Variants in PAG1 observed in about 807,000 individuals in gnomAD.
PAG1 encodes phosphoprotein associated with glycosphingolipid-enriched microdomains 1.
Under a neutral mutation model 31.7 loss-of-function variants are expected in PAG1, and 23 were observed. That is an observed-to-expected ratio of 0.73 (90% confidence interval 0.52 to 1.03). The LOEUF is 1.03. Ranked by LOEUF, PAG1 falls within the 50% of genes least tolerant of loss-of-function variation. The probability of loss-of-function intolerance (pLI) is 0.00; values close to 1 mark genes in which losing one functional copy is unlikely to be tolerated. For missense variants in PAG1, 473 were observed against 540.7 expected, an observed-to-expected ratio of 0.87 and a Z score of 1.24; for synonymous variants, 214 against 210.3, an observed-to-expected ratio of 1.02 and a Z score of -0.15.
chr8:80,994,200 G>T (rs1184838130), intron 3 of PAG1, among the ~76,000 whole-genome samples: 1 of 151,524 alleles, frequency 6.6e-6, no homozygotes, highest in Non-Finnish European at 1.5e-5. Flanking sequence ...TGTAACTAAT[G>T]AAATAGAATG....
chr8:81,080,762 A>C (rs758692243), intron 1 of PAG1, among the ~76,000 whole-genome samples: 3 of 152,200 alleles, frequency 2.0e-5, no homozygotes, highest in Non-Finnish European at 4.4e-5. Context: ...CCCAGCACTA[A>C]GTGAGCAAAC....
At chr8:81,072,348 T>G (rs1809107842) in intron 1 of PAG1, among the ~76,000 whole-genome samples, 1 of 152,186 alleles carries the variant, frequency 6.6e-6, no homozygotes, top group Non-Finnish European at 1.5e-5. Flanking sequence ...CAATGTAAAA[T>G]ACATGCTCTA....
chr8:80,993,343 C>T (rs1253597755), intron 3 of PAG1, 36 bp from the exon 4 acceptor site: 35 of 1,082,632 alleles, frequency 3.2e-5, no homozygotes, highest in East Asian at 5.1e-5. Context: ...GAGTAATTCT[C>T]GGGTAAAGTG....
intron 2 of PAG1, among the ~76,000 whole-genome samples, chr8:81,060,916 T>C (rs1184786090): frequency 6.6e-6 from 1 of 152,206 alleles, no homozygotes; most frequent in African/African-American, 2.4e-5. Flanking sequence ...TAACCTGACA[T>C]GAGGGCCCAT....
At chr8:80,995,661 C>G (rs1056483596) in intron 3 of PAG1, among the ~76,000 whole-genome samples, 8 of 152,218 alleles carry the variant, frequency 5.3e-5, no homozygotes, top group African/African-American at 1.4e-4. Flanking sequence ...TTCATTCATA[C>G]AACAGATTAA....
chr8:80,975,480 T>A lies in PAG1; in HGVS notation c.*1064A>T, dbSNP rs564774708. ...TTGAACATAAAACATCTTATAAACT[T>A]ACATAACAAAAATAAATGTTTACAT... On this transcript the variant is annotated 3_prime_UTR_variant, in exon 9 of 9. Coordinates refer to ENST00000220597, the MANE Select transcript of PAG1 (RefSeq NM_018440.4). The A allele has an allele frequency of 1.3e-5, 2 of 152,334 alleles. No homozygotes were observed. The highest frequency in any genetic ancestry group is 4.1e-4 in the South Asian group (2 of 4,828). 9.4% of individuals were successfully genotyped at this position (152,334 alleles called of 1,614,324 possible).
intron 1 of PAG1, among the ~76,000 whole-genome samples, chr8:81,101,071 T>C (rs531542109): frequency 2.6e-5 from 4 of 152,314 alleles, no homozygotes; most frequent in African/African-American, 9.6e-5. Flanking sequence ...ACTCAGCCAG[T>C]TGGAAAGGTT....
chr8:80,978,797 T>A (rs989591858), intron 8 of PAG1, among the ~76,000 whole-genome samples: 2 of 152,222 alleles, frequency 1.3e-5, no homozygotes, highest in African/African-American at 4.8e-5. Flanking sequence ...ATGACCATTA[T>A]GACTATTATT....
intron 1 of PAG1, among the ~76,000 whole-genome samples, chr8:81,111,290 A>G (rs1330655011): frequency 1.3e-5 from 2 of 152,304 alleles, no homozygotes; most frequent in East Asian, 3.9e-4. Context: ...CTTCACCCCA[A>G]CGTAAACACA....
chr8:81,068,019 C>G (rs1332866968), intron 2 of PAG1, among the ~76,000 whole-genome samples: 1 of 152,178 alleles, frequency 6.6e-6, no homozygotes, highest in Non-Finnish European at 1.5e-5. Context: ...GCCTCAGCCT[C>G]CCAAGTAGCT....
intron 1 of PAG1, among the ~76,000 whole-genome samples, chr8:81,087,278 G>C (rs1051915161): frequency 6.8e-6 from 1 of 148,130 alleles, no homozygotes; most frequent in Non-Finnish European, 1.5e-5. Context: ...AGGAGGTGGA[G>C]GTTGCAGTGA....
chr8:81,003,830 A>G (rs1485800129), intron 3 of PAG1, among the ~76,000 whole-genome samples: 1 of 152,240 alleles, frequency 6.6e-6, no homozygotes, highest in Non-Finnish European at 1.5e-5. Context: ...TGTGATCAAT[A>G]GTTTCAACTC....
At chr8:81,090,813 C>A (rs1809432698) in intron 1 of PAG1, among the ~76,000 whole-genome samples, 1 of 149,792 alleles carries the variant, frequency 6.7e-6, no homozygotes, top group Non-Finnish European at 1.5e-5. Flanking sequence ...GGCTGACTGA[C>A]CACCAGGGGT....
chr8:80,989,841 G>C (rs775837875), intron 5 of PAG1, among the ~76,000 whole-genome samples: 4 of 152,168 alleles, frequency 2.6e-5, no homozygotes, highest in Non-Finnish European at 5.9e-5. Context: ...CCCAGGTGCT[G>C]CTGCTGCTGT....
chr8:81,103,520 G>A lies in PAG1; in HGVS notation c.-234+8071C>T, dbSNP rs190129719. On this transcript the variant is annotated intron_variant, in intron 1 of 8. Transcript: ENST00000220597. ...TTTAGGTCAAAATTAAAGGACAAAC[G>A]TTTGAGGACTGAAAGGCATAATATT... Among the ~76,000 whole-genome samples the A allele has an allele frequency of 4.5e-3, 681 of 152,212 alleles. 5 individuals carry two copies. Among genetic ancestry groups the A allele is most frequent in the Non-Finnish European group, 6.5e-3 (445 of 68,008 alleles).
intron 1 of PAG1, among the ~76,000 whole-genome samples, chr8:81,076,332 T>C (rs75242293): frequency 9.5e-4 from 144 of 152,318 alleles, no homozygotes; most frequent in African/African-American, 3.4e-3. Context: ...GAGATAACAA[T>C]GTCTAGCTCT....
At chr8:81,020,505 G>A (rs558839934) in intron 3 of PAG1, among the ~76,000 whole-genome samples, 3 of 152,220 alleles carry the variant, frequency 2.0e-5, no homozygotes, top group East Asian at 3.9e-4. Context: ...TTATAAATGG[G>A]AGTTCCCCTG....
chr8:81,038,926 G>C (rs1169003904), intron 2 of PAG1, among the ~76,000 whole-genome samples: 2 of 152,210 alleles, frequency 1.3e-5, no homozygotes, highest in African/African-American at 4.8e-5. Flanking sequence ...CACTATCACA[G>C]AGATAGTCAA....
intron 8 of PAG1, among the ~76,000 whole-genome samples, chr8:80,978,056 GTCTTAAGACAGGCC>G: frequency 6.6e-6 from 1 of 152,172 alleles, no homozygotes; most frequent in Non-Finnish European, 1.5e-5. Context: ...AGACAGGCCT[GTCTTAAGACAGGCC>G]TTCTTATGTC....
Sources: gnomAD v4.1 joint callset for allele counts (sites outside exome capture counted in the v4.1 genomes callset) on GRCh38, gnomAD v4.1.1 for gene constraint, MANE v1.5 for transcripts, NCBI Gene and HGNC (gene_info 2026-07-23, HGNC 2026-07-21) for gene names.